The following EXOC6B variants were observed in gnomAD, a reference collection of about 807,000 sequenced individuals.
EXOC6B encodes the protein SEC15 homolog B.
EXOC6B carries 54 observed loss-of-function variants against 113.5 expected under a neutral mutation model. The observed-to-expected ratio is 0.48, with a 90% CI of 0.38 to 0.60. The LOEUF is 0.60. Among genes scored for constraint, EXOC6B ranks in the 20% least tolerant of loss-of-function variants. EXOC6B has a pLI of 0.00. For synonymous variants in EXOC6B, 357 were observed against 339.0 expected (o/e 1.05, Z -0.58); for missense variants, 797 against 977.5 (o/e 0.82, Z 2.46).
At chr2:72,213,294 C>G (rs1372193300) in intron 20 of EXOC6B, among the ~76,000 whole-genome samples, 2 of 152,182 alleles carry the variant, frequency 1.3e-5, no homozygotes, top group Non-Finnish European at 2.9e-5. Context: ...CCTAGCTGAG[C>G]CCTGGCCAAA....
chr2:72,470,528 A>C (rs1698333379), intron 17 of EXOC6B, among the ~76,000 whole-genome samples: 3 of 152,236 alleles, frequency 2.0e-5, no homozygotes, highest in Middle Eastern at 3.4e-3. Context: ...CAGGTTTGAT[A>C]CATATGTATA....
At chr2:72,525,544 GA>G (rs150480483) in intron 8 of EXOC6B, among the ~76,000 whole-genome samples, 1 of 151,856 alleles carries the variant, frequency 6.6e-6, no homozygotes, top group Non-Finnish European at 1.5e-5. Flanking sequence ...TAATTCATTA[GA>G]AAAAAAATTT....
At chr2:72,814,239 C>T (rs1202500525) in intron 1 of EXOC6B, among the ~76,000 whole-genome samples, 1 of 152,184 alleles carries the variant, frequency 6.6e-6, no homozygotes, top group Non-Finnish European at 1.5e-5. Context: ...AAATGGCCTT[C>T]ATCATTTATC....
intron 6 of EXOC6B, among the ~76,000 whole-genome samples, chr2:72,702,194 A>G (rs1259364021): frequency 6.6e-6 from 1 of 150,914 alleles, no homozygotes; most frequent in Non-Finnish European, 1.5e-5. Context: ...TTCTTGCAAT[A>G]GTTTACTGAG....
At chr2:72,348,268 A>G (rs559298413) in intron 19 of EXOC6B, among the ~76,000 whole-genome samples, 32 of 152,272 alleles carry the variant, frequency 2.1e-4, no homozygotes, top group Middle Eastern at 3.4e-3. Context: ...CCCACCTCCT[A>G]ATATAGTTCC....
intron 18 of EXOC6B, among the ~76,000 whole-genome samples, chr2:72,419,894 T>C (rs1694767398): frequency 6.6e-6 from 1 of 152,182 alleles, no homozygotes; most frequent in Non-Finnish European, 1.5e-5. Flanking sequence ...TACTTTCCCC[T>C]TTCTCTCTTT....
intron 21 of EXOC6B, chr2:72,182,876 A>G: frequency 4.1e-6 from 5 of 1,230,550 alleles, no homozygotes; most frequent in Non-Finnish European, 5.1e-6. Context: ...AAAAGGCCCA[A>G]GTGAATAATA....
chr2:72,751,570 A>C (rs1284011785), intron 1 of EXOC6B, among the ~76,000 whole-genome samples: 1 of 152,152 alleles, frequency 6.6e-6, no homozygotes, highest in Admixed American at 6.6e-5. Context: ...GGGGCACCTT[A>C]AAATTTTATT....
intron 6 of EXOC6B, among the ~76,000 whole-genome samples, chr2:72,578,372 C>T (rs1296768000): frequency 6.6e-6 from 1 of 152,070 alleles, no homozygotes; most frequent in East Asian, 1.9e-4. Context: ...TGTACTTACC[C>T]AATACCCTCC....
intron 6 of EXOC6B, among the ~76,000 whole-genome samples, chr2:72,677,104 T>C (rs1676366666): frequency 1.3e-5 from 2 of 152,208 alleles, no homozygotes; most frequent in East Asian, 1.9e-4. Context: ...TTTAGTCTAT[T>C]TGCGTAGAAT....
Position 72,232,002 on chromosome 2 carries a change from T to C in EXOC6B, c.2197-47815A>G, listed in dbSNP as rs151123642. Among the ~76,000 whole-genome samples, 1,116 of 152,190 alleles carry C rather than the reference T, an allele frequency of 7.3e-3. 4 individuals carry two copies. The highest frequency in any genetic ancestry group is 0.012 in the Non-Finnish European group (808 of 67,998). On this transcript the variant is annotated intron_variant, in intron 20 of 21. Transcript: ENST00000272427. ...TATATATAATTTTTTTTTGAGACAG[T>C]CTGGCTCTGTCACCCAGGTTGGAGT...
intron 1 of EXOC6B, among the ~76,000 whole-genome samples, chr2:72,816,137 A>C (rs1259712620): frequency 2.6e-5 from 4 of 152,184 alleles, no homozygotes; most frequent in Non-Finnish European, 5.9e-5. Context: ...CCACTCTGGG[A>C]GACAGAGCAA....
At chr2:72,592,084 C>T (rs1706003471) in intron 6 of EXOC6B, among the ~76,000 whole-genome samples, 1 of 151,644 alleles carries the variant, frequency 6.6e-6, no homozygotes, top group Non-Finnish European at 1.5e-5. Flanking sequence ...AAAGAATATC[C>T]ACTTCTGGCA....
intron 6 of EXOC6B, among the ~76,000 whole-genome samples, chr2:72,621,532 T>C (rs1444809962): frequency 1.3e-5 from 2 of 152,004 alleles, no homozygotes; most frequent in African/African-American, 4.8e-5. Flanking sequence ...GGGATGTGGG[T>C]TGAAAACCTA....
At chr2:72,410,198 T>A (rs1573059017) in intron 18 of EXOC6B, among the ~76,000 whole-genome samples, 2 of 152,340 alleles carry the variant, frequency 1.3e-5, no homozygotes, top group South Asian at 4.1e-4. Context: ...CTTGCAACCA[T>A]CATTCCCAGA....
chr2:72,286,084 G>A lies in EXOC6B; in HGVS notation c.2196+48863C>T, dbSNP rs138754300. ...GTCACTTTGGAAGACAAATAGTTTG[G>A]TGGTTTCTTACAAAACTAAACATAC... is the stretch of plus-strand genomic sequence containing the variant. On this transcript the variant is annotated intron_variant, in intron 20 of 21. Coordinates refer to ENST00000272427, the MANE Select transcript of EXOC6B (RefSeq NM_015189.3). Among the ~76,000 whole-genome samples the A allele has an allele frequency of 3.7e-3, 560 of 152,226 alleles. 8 individuals are homozygous for A. Among genetic ancestry groups the A allele is most frequent in the African/African-American group, 0.013 (546 of 41,528 alleles).
chr2:72,537,329 C>A (rs904444293), intron 8 of EXOC6B, among the ~76,000 whole-genome samples: 1 of 151,860 alleles, frequency 6.6e-6, no homozygotes, highest in Non-Finnish European at 1.5e-5. Flanking sequence ...ACAGGCCAGG[C>A]GGGCTGGCTC....
At chr2:72,211,017 TC>T (rs531462697) in intron 20 of EXOC6B, among the ~76,000 whole-genome samples, 5 of 152,304 alleles carry the variant, frequency 3.3e-5, no homozygotes, top group African/African-American at 1.2e-4. Context: ...TCCGGTTCCC[TC>T]CAGGCAGCCA....
chr2:72,336,439 A>T (rs1688691303), intron 19 of EXOC6B, among the ~76,000 whole-genome samples: 1 of 152,184 alleles, frequency 6.6e-6, no homozygotes, highest in South Asian at 2.1e-4. Context: ...TATGCTAACA[A>T]CTTAGTTTGC....
Sources: gnomAD v4.1 joint callset for allele counts (sites outside exome capture counted in the v4.1 genomes callset) on GRCh38, gnomAD v4.1.1 for gene constraint, MANE v1.5 for transcripts, NCBI Gene and HGNC (gene_info 2026-07-23, HGNC 2026-07-21) for gene names.